The following RABL3 variants were observed in gnomAD, a reference collection of about 807,000 sequenced individuals.
RABL3 encodes rab-like protein 3.
RABL3 carries 31 observed loss-of-function variants against 31.8 expected under a neutral mutation model. The ratio of observed to expected loss-of-function variants is 0.97; its 90% CI spans 0.73 to 1.31. RABL3 has a LOEUF of 1.31. RABL3 is among the 40% of genes most tolerant of loss of function. The probability of loss-of-function intolerance (pLI) is 0.00; values close to 1 mark genes in which losing one functional copy is unlikely to be tolerated. For synonymous variants in RABL3, 97 were observed against 99.9 expected (o/e 0.97, Z 0.18); for missense variants, 263 against 279.6 (o/e 0.94, Z 0.42).
chr3:120,700,502 T>C (rs1286473127), intron 4 of RABL3, among the ~76,000 whole-genome samples: 1 of 152,040 alleles, frequency 6.6e-6, no homozygotes, highest in Non-Finnish European at 1.5e-5. Flanking sequence ...GATTAAAAGA[T>C]ACTTAAGAAA....
At chr3:120,737,370 C>T (rs906483024) in intron 1 of RABL3, among the ~76,000 whole-genome samples, 1 of 152,220 alleles carries the variant, frequency 6.6e-6, no homozygotes, top group Non-Finnish European at 1.5e-5. Context: ...GTTTTCAGCT[C>T]CAACAGGTCA....
chr3:120,717,283 CAA>C (rs11349554), intron 2 of RABL3, among the ~76,000 whole-genome samples: 4 of 142,814 alleles, frequency 2.8e-5, no homozygotes, highest in African/African-American at 2.6e-5. Context: ...AAAAAAACAA[CAA>C]AAAAAAAAAC....
chr3:120,702,581 G>A lies in RABL3; in HGVS notation c.383+3419C>T, dbSNP rs1259561582. 2.7e-5 allele frequency among the ~76,000 whole-genome samples: 4 copies of A among 148,758 alleles called. No individual in the cohort carries two copies. The East Asian group carries it at 5.9e-4, about 22-fold the overall frequency. ...TTTTCTTTTTTTTTTTTTTTGAGAC[G>A]GAGTCTCACTCTGTTGCCCAAGCTG... On this transcript the variant is annotated intron_variant, in intron 4 of 7. Transcript: ENST00000273375.
At chr3:120,723,762 A>G (rs1379135644) in intron 2 of RABL3, among the ~76,000 whole-genome samples, 3 of 152,190 alleles carry the variant, frequency 2.0e-5, no homozygotes, top group African/African-American at 7.2e-5. Context: ...TTCATGCTAA[A>G]AACTCTCAAT....
intron 2 of RABL3, among the ~76,000 whole-genome samples, chr3:120,715,291 C>A (rs571536801): frequency 2.0e-4 from 30 of 152,320 alleles, no homozygotes; most frequent in African/African-American, 7.0e-4. Flanking sequence ...ATAATCCCAG[C>A]ACATTTGGAG....
At chr3:120,735,236 T>C (rs1708942052) in intron 1 of RABL3, among the ~76,000 whole-genome samples, 6 of 152,230 alleles carry the variant, frequency 3.9e-5, no homozygotes, top group Admixed American at 3.9e-4. Flanking sequence ...GTTATTGGTC[T>C]ATTCAGAGAT....
intron 3 of RABL3, among the ~76,000 whole-genome samples, chr3:120,708,886 C>G (rs1171973399): frequency 6.6e-6 from 1 of 151,978 alleles, no homozygotes; most frequent in Non-Finnish European, 1.5e-5. Context: ...TGAAAAGAAC[C>G]TTCTCTACAT....
rs1408323796 is a variant in RABL3, at chr3:120,688,089, C to T, written c.*1734G>A. 3 of 151,756 alleles carry T rather than the reference C, an allele frequency of 2.0e-5. No individual in the cohort carries two copies. Among genetic ancestry groups the T allele is most frequent in the African/African-American group, 7.3e-5 (3 of 41,286 alleles). 9.4% of individuals were successfully genotyped at this position (151,756 alleles called of 1,614,324 possible). ...TAAAGGTGTGAGCCACCGCGCCTGG[C>T]CTATTTTTATTTTTTAAATAAGATA... On this transcript the variant is annotated 3_prime_UTR_variant, in exon 8 of 8. Transcript: ENST00000273375.
chr3:120,713,808 CTTTT>C (rs61372023), intron 2 of RABL3, among the ~76,000 whole-genome samples: 1 of 121,704 alleles, frequency 8.2e-6, no homozygotes. Context: ...TTGTCTGTAA[CTTTT>C]TTTTTTTTTT....
intron 2 of RABL3, among the ~76,000 whole-genome samples, chr3:120,714,329 G>A (rs904525118): frequency 1.3e-5 from 2 of 152,136 alleles, no homozygotes; most frequent in Non-Finnish European, 1.5e-5. Context: ...TACCACAGGA[G>A]CAGAAATTAA....
intron 5 of RABL3, among the ~76,000 whole-genome samples, chr3:120,695,321 C>T (rs1326382201): frequency 6.6e-6 from 1 of 152,046 alleles, no homozygotes; most frequent in Admixed American, 6.6e-5. Flanking sequence ...TGTCAAAGAT[C>T]ACAGAGTACT....
At chr3:120,725,649 G>A (rs922660314) in intron 2 of RABL3, among the ~76,000 whole-genome samples, 16 of 152,150 alleles carry the variant, frequency 1.1e-4, no homozygotes, top group Non-Finnish European at 1.8e-4. Context: ...CCTTTGTAGG[G>A]ACATGGATGA....
intron 5 of RABL3, 51 bp from the exon 6 acceptor site, chr3:120,694,275 C>T (rs779306379): frequency 1.3e-5 from 16 of 1,224,346 alleles, no homozygotes; most frequent in Admixed American, 7.1e-5. Flanking sequence ...AACCCAAGCT[C>T]GTTGCTATTC....
intron 2 of RABL3, among the ~76,000 whole-genome samples, chr3:120,716,402 T>C (rs992128797): frequency 1.2e-4 from 19 of 152,196 alleles, no homozygotes; most frequent in African/African-American, 4.3e-4. Flanking sequence ...ATGTTAGTAA[T>C]TACTGAGTAC....
chr3:120,718,444 A>G (rs941184002), intron 2 of RABL3, among the ~76,000 whole-genome samples: 1 of 152,226 alleles, frequency 6.6e-6, no homozygotes, highest in African/African-American at 2.4e-5. Context: ...TCCTATTAGC[A>G]TCTCATTCTT....
chr3:120,709,970 T>C (rs1006862539), intron 2 of RABL3, 61 bp from the exon 3 acceptor site: 1 of 1,251,546 alleles, frequency 8.0e-7, no homozygotes, highest in African/African-American at 1.5e-5. Flanking sequence ...TAAGTACCCT[T>C]ATTCCGGTTT....
At chr3:120,698,292 G>A (rs532684176) in intron 5 of RABL3, 131 bp downstream of exon 5, 24 of 854,694 alleles carry the variant, frequency 2.8e-5, no homozygotes, top group Middle Eastern at 6.9e-4. Context: ...TCTTGACTAC[G>A]TTTAGACTAG....
At chr3:120,740,758 A>C (rs1435676222) in intron 1 of RABL3, among the ~76,000 whole-genome samples, 1 of 152,248 alleles carries the variant, frequency 6.6e-6, no homozygotes, top group African/African-American at 2.4e-5. Flanking sequence ...TAAAAAGACA[A>C]TAACTAACTT....
intron 2 of RABL3, among the ~76,000 whole-genome samples, chr3:120,721,312 C>G (rs1330578575): frequency 6.6e-6 from 1 of 152,184 alleles, no homozygotes; most frequent in Non-Finnish European, 1.5e-5. Flanking sequence ...ATTATAATGA[C>G]AGGATCAAAT....
Sources: gnomAD v4.1 joint callset for allele counts (sites outside exome capture counted in the v4.1 genomes callset) on GRCh38, gnomAD v4.1.1 for gene constraint, MANE v1.5 for transcripts, NCBI Gene and HGNC (gene_info 2026-07-23, HGNC 2026-07-21) for gene names.